The following TRPM3 variants were observed in gnomAD, a reference collection of about 807,000 sequenced individuals.
The protein encoded by TRPM3 is long transient receptor potential channel 3.
TRPM3 carries 77 observed loss-of-function variants against 181.2 expected under a neutral mutation model. That is an observed-to-expected ratio of 0.42 (90% CI 0.35 to 0.51). The LOEUF (loss-of-function observed/expected upper bound fraction) is 0.51, where lower values mean the gene tolerates loss of function less well. Ranked by LOEUF, TRPM3 falls within the 20% of genes least tolerant of loss-of-function variation. TRPM3 has a pLI of 0.01. For missense variants in TRPM3, 1,759 were observed against 2,196.7 expected, an observed-to-expected ratio of 0.80 and a Z score of 3.98; for synonymous variants, 745 against 796.4, an observed-to-expected ratio of 0.94 and a Z score of 1.09.
intron 1 of TRPM3, among the ~76,000 whole-genome samples, chr9:71,157,484 G>A (rs749621227): frequency 6.6e-5 from 10 of 152,158 alleles, no homozygotes; most frequent in Middle Eastern, 3.4e-3. Flanking sequence ...TGTCCAGTGC[G>A]TGCCTCTTCG....
intron 1 of TRPM3, among the ~76,000 whole-genome samples, chr9:71,258,920 G>A (rs1056661486): frequency 4.5e-4 from 69 of 152,154 alleles, no homozygotes; most frequent in African/African-American, 1.5e-3. Context: ...TATACTTTAA[G>A]TTCTGGGATA....
intron 1 of TRPM3, among the ~76,000 whole-genome samples, chr9:71,177,979 T>G (rs962278705): frequency 6.6e-6 from 1 of 150,400 alleles, no homozygotes; most frequent in Admixed American, 6.6e-5. Flanking sequence ...TGCTAGCAGA[T>G]GTTTTATACT....
rs556679680 is a variant in TRPM3, at chr9:70,947,010, T to C, written c.178-82499A>G. On this transcript the variant is annotated intron_variant, in intron 1 of 25. Coordinates refer to ENST00000677713, the MANE Select transcript of TRPM3 (RefSeq NM_001366145.2). ...GTTCCTAGATTTAAGCTATTACAAA[T>C]AGTGCTGCTATAAACATTCCACTAA... 4.6e-5 allele frequency among the ~76,000 whole-genome samples: 7 copies of C among 152,340 alleles called. No homozygotes were observed. The East Asian group carries it at 1.3e-3, about 29-fold the overall frequency.
intron 1 of TRPM3, among the ~76,000 whole-genome samples, chr9:70,978,596 C>T (rs938423836): frequency 4.6e-5 from 7 of 152,170 alleles, no homozygotes; most frequent in African/African-American, 1.7e-4. Context: ...TTTCATTTGC[C>T]ACATAAATTT....
chr9:70,646,018 C>T (rs1309495641), intron 9 of TRPM3, among the ~76,000 whole-genome samples: 1 of 152,164 alleles, frequency 6.6e-6, no homozygotes, highest in Non-Finnish European at 1.5e-5. Flanking sequence ...AAATCAAAAC[C>T]ACAATGAGAT....
At chr9:70,562,844 A>T (rs1737486442) in intron 22 of TRPM3, among the ~76,000 whole-genome samples, 1 of 152,328 alleles carries the variant, frequency 6.6e-6, no homozygotes, top group South Asian at 2.1e-4. Flanking sequence ...GGAAGAATAT[A>T]TATCTAAACT....
intron 1 of TRPM3, among the ~76,000 whole-genome samples, chr9:71,069,873 G>T (rs2062496517): frequency 1.3e-5 from 2 of 152,082 alleles, no homozygotes; most frequent in South Asian, 4.1e-4. Flanking sequence ...CTCCCAAAGT[G>T]CTGGGACTAC....
intron 1 of TRPM3, among the ~76,000 whole-genome samples, chr9:70,921,290 T>C (rs1159023762): frequency 6.6e-6 from 1 of 152,216 alleles, no homozygotes; most frequent in East Asian, 1.9e-4. Flanking sequence ...TGCCTTTAGA[T>C]TAAAGGGTAA....
At chr9:70,767,943 G>A (rs551642026) in intron 7 of TRPM3, among the ~76,000 whole-genome samples, 1 of 152,110 alleles carries the variant, frequency 6.6e-6, no homozygotes, top group Non-Finnish European at 1.5e-5. Flanking sequence ...CTTGATTATT[G>A]TAACAAGTCA....
chr9:70,932,779 C>T (rs944890204), intron 1 of TRPM3, among the ~76,000 whole-genome samples: 4 of 152,148 alleles, frequency 2.6e-5, no homozygotes, highest in Non-Finnish European at 5.9e-5. Flanking sequence ...TCTAATGGAA[C>T]CACAGGATGC....
chr9:71,126,859 T>C (rs1432293009), intron 1 of TRPM3, among the ~76,000 whole-genome samples: 4 of 152,184 alleles, frequency 2.6e-5, no homozygotes, highest in Non-Finnish European at 5.9e-5. Context: ...CATTCCATGA[T>C]TGTACAGTTC....
At chr9:71,053,075 T>C (rs1187010910) in intron 1 of TRPM3, among the ~76,000 whole-genome samples, 1 of 130,166 alleles carries the variant, frequency 7.7e-6, no homozygotes, top group Admixed American at 8.5e-5. Flanking sequence ...ATACTTCTTC[T>C]TTAGAACCAT....
At chr9:71,428,145 GC>G (rs1388552191) in intron 1 of TRPM3, among the ~76,000 whole-genome samples, 4 of 151,632 alleles carry the variant, frequency 2.6e-5, no homozygotes, top group Non-Finnish European at 5.9e-5. Flanking sequence ...AGGCTGCAGT[GC>G]AATGGTGCAA....
intron 1 of TRPM3, among the ~76,000 whole-genome samples, chr9:70,924,250 A>C (rs999700594): frequency 2.0e-5 from 3 of 152,164 alleles, no homozygotes; most frequent in Non-Finnish European, 4.4e-5. Flanking sequence ...GGCTGATATA[A>C]TACCAATATT....
rs144026612 is a variant in TRPM3 at position 70,918,814 on chromosome 9, T to C, written c.178-54303A>G. Among the ~76,000 whole-genome samples, 1,185 of 151,866 alleles carry C rather than the reference T, an allele frequency of 7.8e-3. 14 individuals are homozygous for C. Among genetic ancestry groups the C allele is most frequent in the African/African-American group, 0.026 (1,079 of 41,412 alleles). ...TGAAACGAACAATACAAAAGATCAA[T>C]GGAATAGAAACTTATTTTTTTTAAA... On this transcript the variant is annotated intron_variant, in intron 1 of 25. Transcript: ENST00000677713.
chr9:70,895,454 C>A (rs2096268024), intron 1 of TRPM3, among the ~76,000 whole-genome samples: 1 of 152,054 alleles, frequency 6.6e-6, no homozygotes, highest in African/African-American at 2.4e-5. Flanking sequence ...TTTTCTTTTC[C>A]TTCACTTCTG....
chr9:71,130,188 GT>G lies in TRPM3; in HGVS notation c.184-265678del, dbSNP rs554724803. The stretch of plus-strand genomic sequence containing the variant: ...TTTACACTGTAAGTTTCAGAGCTAT[GT>G]TTTGAATTCAAAGATAAACTCTTGA... On this transcript the variant is annotated intron_variant, in intron 1 of 24. Coordinates refer to the TRPM3 transcript ENST00000357533. Among the ~76,000 whole-genome samples the G allele has an allele frequency of 1.5e-3, 230 of 152,224 alleles. 3 individuals carry two copies. Among genetic ancestry groups the G allele is most frequent in the African/African-American group, 5.2e-3 (215 of 41,564 alleles).
chr9:70,993,465 C>T (rs1437384652), intron 1 of TRPM3, among the ~76,000 whole-genome samples: 1 of 152,058 alleles, frequency 6.6e-6, no homozygotes, highest in Non-Finnish European at 1.5e-5. Flanking sequence ...GGCGCTTTAG[C>T]ATTGGATGAT....
intron 1 of TRPM3, among the ~76,000 whole-genome samples, chr9:70,953,656 A>T (rs1219324915): frequency 2.6e-5 from 4 of 152,140 alleles, no homozygotes; most frequent in Admixed American, 1.3e-4. Context: ...TGGGTTCTAA[A>T]CTGACTATCC....
Sources: gnomAD v4.1 joint callset for allele counts (sites outside exome capture counted in the v4.1 genomes callset) on GRCh38, gnomAD v4.1.1 for gene constraint, MANE v1.5 for transcripts, NCBI Gene and HGNC (gene_info 2026-07-23, HGNC 2026-07-21) for gene names.